UGT3A1: variants seen among roughly 807,000 people sequenced by gnomAD.
The protein encoded by UGT3A1 is UDP glycosyltransferase family 3 member A1.
UGT3A1 carries 40 observed loss-of-function variants against 37.6 expected under a neutral mutation model. That is an observed-to-expected ratio of 1.06 (90% CI 0.83 to 1.38). The LOEUF (loss-of-function observed/expected upper bound fraction) is 1.38, where lower values mean the gene tolerates loss of function less well. UGT3A1 is among the 40% of genes most tolerant of loss of function. UGT3A1 has a pLI of 0.00. For synonymous variants in UGT3A1, 256 were observed against 232.3 expected (o/e 1.10, Z -0.93); for missense variants, 642 against 634.2 (o/e 1.01, Z -0.13).
intron 2 of UGT3A1, among the ~76,000 whole-genome samples, chr5:35,973,873 A>G (rs1300099543): frequency 6.6e-6 from 1 of 152,240 alleles, no homozygotes. Context: ...TCAAAGCAAT[A>G]ATTAGAATAA....
chr5:35,978,346 G>T (rs1740378865), intron 2 of UGT3A1, among the ~76,000 whole-genome samples: 1 of 152,088 alleles, frequency 6.6e-6, no homozygotes, highest in African/African-American at 2.4e-5. Flanking sequence ...CATTTTCATG[G>T]TGCTGATAAA....
intron 3 of UGT3A1, among the ~76,000 whole-genome samples, chr5:35,967,626 CA>C (rs1388048946): frequency 6.6e-6 from 1 of 152,146 alleles, no homozygotes; most frequent in African/African-American, 2.4e-5. Flanking sequence ...TCTTGACAAA[CA>C]AAAGAGTTGA....
chr5:35,954,030 C>G lies in UGT3A1; in HGVS notation c.*172G>C. On this transcript the variant is annotated 3_prime_UTR_variant, in exon 7 of 7. Coordinates refer to ENST00000274278, the MANE Select transcript of UGT3A1 (RefSeq NM_152404.4). ...AAGTCACAAGGGGCAAGTCAAGAAGCCTCAGTGGTGCGTGAAGATTTCTAA... is the reference window on the plus strand; with the variant it reads ...AAGTCACAAGGGGCAAGTCAAGAAGGCTCAGTGGTGCGTGAAGATTTCTAA... 1.4e-6 allele frequency: 1 copy of G among 717,692 alleles called. No individual in the cohort carries two copies. Among genetic ancestry groups the G allele is most frequent in the Non-Finnish European group, 2.2e-6 (1 of 447,980 alleles). The allele number at this position is 717,692 out of a possible 1,614,324, so 44.5% of individuals were successfully genotyped here.
At chr5:35,991,687 C>A, upstream of UGT3A1, 1 of 969,070 alleles carries the variant, frequency 1.0e-6, no homozygotes, top group Non-Finnish European at 1.2e-6. Context: ...GCCTCTATTA[C>A]CTCATAGTGC....
At chr5:35,965,264 C>T (rs1187890191) in intron 4 of UGT3A1, 122 bp downstream of exon 4, 4 of 1,439,072 alleles carry the variant, frequency 2.8e-6, no homozygotes, top group African/African-American at 1.4e-5. Flanking sequence ...AGAACGTGCC[C>T]TAGGTGCCTC....
intron 2 of UGT3A1, among the ~76,000 whole-genome samples, chr5:35,984,671 C>T (rs1039656091): frequency 6.6e-6 from 1 of 152,014 alleles, no homozygotes; most frequent in African/African-American, 2.4e-5. Context: ...CAGGGTTTCG[C>T]CATGTTGGCC....
chr5:35,967,222 T>C (rs955786776), intron 3 of UGT3A1, among the ~76,000 whole-genome samples: 16 of 152,238 alleles, frequency 1.1e-4, no homozygotes, highest in African/African-American at 3.6e-4. Context: ...GAGTGCTATA[T>C]GCCAGACCTA....
chr5:35,979,882 A>C (rs934878706), intron 2 of UGT3A1, among the ~76,000 whole-genome samples: 9 of 152,220 alleles, frequency 5.9e-5, no homozygotes, highest in African/African-American at 2.2e-4. Flanking sequence ...CATGTCTTAC[A>C]TCACAGCAGG....
rs1580933359 is a variant in UGT3A1, at chr5:35,968,934, C to T, written c.197-801G>A. On this transcript the variant is annotated intron_variant, in intron 2 of 6. Coordinates refer to ENST00000274278, the MANE Select transcript of UGT3A1 (RefSeq NM_152404.4). ...GAATGACAAACAGGGATCCTCTTTT[C>T]AGTAGCCCTGGATCATGTGTCTCAA... 2.6e-5 allele frequency among the ~76,000 whole-genome samples: 4 copies of T among 152,300 alleles called. 1 individual carries two copies. Among genetic ancestry groups the T allele is most frequent in the Admixed American group, 2.6e-4 (4 of 15,294 alleles).
rs1179176948 is a variant in UGT3A1, at chr5:35,951,363, AT to A, written c.*2838del. 6.6e-6 allele frequency: 1 copy of A among 152,032 alleles called. No homozygotes were observed. The highest frequency in any genetic ancestry group is 6.6e-5 in the Admixed American group (1 of 15,262). The allele number at this position is 152,032 out of a possible 1,614,324, so 9.4% of individuals were successfully genotyped here. A position where few individuals can be genotyped will look rare whatever the true frequency, so the allele number is the denominator to read the frequency against. The stretch of plus-strand genomic sequence containing the variant: ...TGCAAGGCAATGCACATAGATATGT[AT>A]TTTTTTCATTATCCCCCATACACAT... On this transcript the variant is annotated 3_prime_UTR_variant, in exon 7 of 7. Coordinates refer to ENST00000274278, the MANE Select transcript of UGT3A1 (RefSeq NM_152404.4).
upstream of UGT3A1, among the ~76,000 whole-genome samples, chr5:35,993,163 CT>C (rs933108396): frequency 7.2e-5 from 11 of 152,028 alleles, no homozygotes; most frequent in African/African-American, 2.7e-4. Context: ...TTTATATCAT[CT>C]TATATAAAAA....
chr5:35,979,858 C>T, intron 2 of UGT3A1, among the ~76,000 whole-genome samples: 1 of 152,152 alleles, frequency 6.6e-6, no homozygotes, highest in Non-Finnish European at 1.5e-5. Context: ...ACAATCATGG[C>T]AGAAGGCAGA....
upstream of UGT3A1, among the ~76,000 whole-genome samples, chr5:35,992,728 T>G (rs11750767): frequency 0.27 from 41,269 of 152,112 alleles, 6,997 homozygotes; most frequent in Non-Finnish European, 0.38. Flanking sequence ...TTAAACCAAT[T>G]CTAAAAAATT....
intron 2 of UGT3A1, among the ~76,000 whole-genome samples, chr5:35,988,123 G>T (rs1740795759): frequency 6.6e-6 from 1 of 152,108 alleles, no homozygotes. Flanking sequence ...CTGAAATATG[G>T]CTAAACATTT....
At chr5:35,970,948 G>C (rs528278039) in intron 2 of UGT3A1, among the ~76,000 whole-genome samples, 1 of 152,114 alleles carries the variant, frequency 6.6e-6, no homozygotes, top group African/African-American at 2.4e-5. Flanking sequence ...ATTAAAAATT[G>C]CTTACTACAT....
At chr5:35,988,780 C>A (rs1290572131) in intron 1 of UGT3A1, among the ~76,000 whole-genome samples, 4 of 152,142 alleles carry the variant, frequency 2.6e-5, no homozygotes, top group African/African-American at 9.7e-5. Flanking sequence ...CTGTGGCAAT[C>A]CTCCATCAAA....
Position 35,954,000 on chromosome 5 carries a change from G to C in UGT3A1, c.*202C>G. 3.4e-6 allele frequency: 2 copies of C among 586,176 alleles called. No homozygotes were observed. The highest frequency in any genetic ancestry group is 2.9e-5 in the East Asian group (1 of 34,616). 36.3% of individuals were successfully genotyped at this position (586,176 alleles called of 1,614,324 possible). On this transcript the variant is annotated 3_prime_UTR_variant, in exon 7 of 7. Coordinates refer to ENST00000274278, the MANE Select transcript of UGT3A1 (RefSeq NM_152404.4). ...GGTGAAAATTTGTATCTGAGCTGGGGTTTCAAGTCACAAGGGGCAAGTCAA... is the reference window on the plus strand; with the variant it reads ...GGTGAAAATTTGTATCTGAGCTGGGCTTTCAAGTCACAAGGGGCAAGTCAA...
intron 2 of UGT3A1, among the ~76,000 whole-genome samples, chr5:35,996,606 C>A (rs760119746): frequency 6.6e-6 from 1 of 152,224 alleles, no homozygotes; most frequent in Non-Finnish European, 1.5e-5. Flanking sequence ...GGTCTGTGAT[C>A]TCCTCAACAT....
chr5:35,966,212 A>G (rs1739803211), intron 3 of UGT3A1, among the ~76,000 whole-genome samples: 1 of 152,212 alleles, frequency 6.6e-6, no homozygotes, highest in Admixed American at 6.5e-5. Context: ...ACCACAGCAG[A>G]TCTCAGAGTT....
Sources: gnomAD v4.1 joint callset for allele counts (sites outside exome capture counted in the v4.1 genomes callset) on GRCh38, gnomAD v4.1.1 for gene constraint, MANE v1.5 for transcripts, NCBI Gene and HGNC (gene_info 2026-07-23, HGNC 2026-07-21) for gene names.